DCK: variants seen among roughly 807,000 people sequenced by gnomAD.
DCK encodes the protein deoxyadenosine kinase.
Under a neutral mutation model 38.3 loss-of-function variants are expected in DCK, and 23 were observed. The observed-to-expected ratio is 0.60, with a 90% CI of 0.43 to 0.85. The LOEUF is 0.85. Ranked by LOEUF, DCK falls within the 40% of genes least tolerant of loss-of-function variation. The pLI, the probability that DCK is intolerant of heterozygous loss-of-function variation, is 0.00. For synonymous variants in DCK, 108 were observed against 100.6 expected, an observed-to-expected ratio of 1.07 and a Z score of -0.44; for missense variants, 259 against 304.4, an observed-to-expected ratio of 0.85 and a Z score of 1.11.
chr4:71,017,008 G>A (rs536741572), intron 2 of DCK, among the ~76,000 whole-genome samples: 66 of 152,256 alleles, frequency 4.3e-4, no homozygotes, highest in African/African-American at 1.5e-3. Context: ...CCTACAGAAT[G>A]GGAGAAAATT....
At chr4:71,019,050 G>C (rs1448934002) in intron 2 of DCK, among the ~76,000 whole-genome samples, 4 of 152,068 alleles carry the variant, frequency 2.6e-5, no homozygotes, top group Non-Finnish European at 4.4e-5. Context: ...TCATGCATAG[G>C]ATCAAAAGAA....
chr4:71,014,019 A>G (rs1242426581), intron 2 of DCK, among the ~76,000 whole-genome samples: 1 of 152,166 alleles, frequency 6.6e-6, no homozygotes, highest in African/African-American at 2.4e-5. Context: ...TATTCAGGAG[A>G]CCCATCTCAT....
At chr4:71,003,389 A>G (rs1739860074) in intron 2 of DCK, among the ~76,000 whole-genome samples, 1 of 151,874 alleles carries the variant, frequency 6.6e-6, no homozygotes. Flanking sequence ...TGCGCTTAAC[A>G]TTTTTTCCCT....
intron 1 of DCK, among the ~76,000 whole-genome samples, chr4:70,995,167 T>C (rs1739633502): frequency 6.6e-6 from 1 of 152,212 alleles, no homozygotes; most frequent in Non-Finnish European, 1.5e-5. Flanking sequence ...GACCATATGA[T>C]ATAATTAGCA....
At chr4:71,010,687 T>A (rs1740068549) in intron 2 of DCK, among the ~76,000 whole-genome samples, 1 of 147,718 alleles carries the variant, frequency 6.8e-6, no homozygotes, top group African/African-American at 2.4e-5. Context: ...ATAAAAATTA[T>A]ATACATAATA....
At chr4:71,015,944 A>G (rs567873080) in intron 2 of DCK, among the ~76,000 whole-genome samples, 2 of 152,232 alleles carry the variant, frequency 1.3e-5, no homozygotes, top group African/African-American at 4.8e-5. Flanking sequence ...GTAATCAGGT[A>G]GTAGAAGGAA....
chr4:71,024,308 T>C (rs1228190000), intron 4 of DCK, among the ~76,000 whole-genome samples: 4 of 152,108 alleles, frequency 2.6e-5, no homozygotes, highest in Admixed American at 2.6e-4. Context: ...AAGGTGCTTT[T>C]TGTGATAGGT....
intron 2 of DCK, among the ~76,000 whole-genome samples, chr4:70,998,939 G>A (rs1242396155): frequency 2.0e-5 from 3 of 150,534 alleles, no homozygotes; most frequent in Non-Finnish European, 3.0e-5. Context: ...AAAAAAAAAA[G>A]GAAAGTAAAA....
intron 5 of DCK, 53 bp from the exon 6 acceptor site, chr4:71,026,612 C>G: frequency 1.1e-6 from 1 of 879,282 alleles, no homozygotes; most frequent in East Asian, 2.5e-5. Flanking sequence ...TAATGTTTCT[C>G]TCTTTTTTTT....
intron 4 of DCK, among the ~76,000 whole-genome samples, chr4:71,025,417 G>A (rs995634129): frequency 2.0e-5 from 3 of 151,974 alleles, no homozygotes; most frequent in Non-Finnish European, 4.4e-5. Context: ...TGTCTTTAGT[G>A]GTTTTATGTG....
At chr4:71,029,319 A>G in intron 6 of DCK, 33 bp from the exon 7 acceptor site, 1 of 1,499,760 alleles carries the variant, frequency 6.7e-7, no homozygotes, top group Non-Finnish European at 9.2e-7. Flanking sequence ...TAGTCAAGGA[A>G]TTATACTGAT....
intron 2 of DCK, among the ~76,000 whole-genome samples, chr4:71,021,764 AG>A (rs1279932718): frequency 6.6e-6 from 1 of 152,092 alleles, no homozygotes; most frequent in Non-Finnish European, 1.5e-5. Flanking sequence ...GCACTTTGGG[AG>A]GCCAAGGCAG....
chr4:70,998,969 A>G (rs1187452648), intron 2 of DCK, among the ~76,000 whole-genome samples: 2 of 151,966 alleles, frequency 1.3e-5, no homozygotes, highest in African/African-American at 4.8e-5. Flanking sequence ...CTATGCATTC[A>G]AGATTTATGC....
chr4:71,011,807 T>C (rs765522561), intron 2 of DCK, among the ~76,000 whole-genome samples: 4 of 152,234 alleles, frequency 2.6e-5, no homozygotes, highest in Non-Finnish European at 5.9e-5. Flanking sequence ...TATTTTTCAC[T>C]TACCTTGACA....
At chr4:71,025,690 A>G in intron 4 of DCK, 126 bp from the exon 5 acceptor site, 1 of 1,241,554 alleles carries the variant, frequency 8.1e-7, no homozygotes, top group Non-Finnish European at 1.1e-6. Context: ...TTCAGCTTTT[A>G]AGAAGTAATA....
At chr4:71,000,233 T>C (rs1415724088) in intron 2 of DCK, among the ~76,000 whole-genome samples, 1 of 152,250 alleles carries the variant, frequency 6.6e-6, no homozygotes, top group Non-Finnish European at 1.5e-5. Context: ...TTCCGTTTTC[T>C]GCATATGGCT....
chr4:71,010,755 A>G (rs577720596), intron 2 of DCK, among the ~76,000 whole-genome samples: 10 of 149,392 alleles, frequency 6.7e-5, no homozygotes, highest in South Asian at 6.3e-4. Context: ...GTTTTAAAAT[A>G]TGTCTACATT....
chr4:71,005,205 T>C (rs1739909669), intron 2 of DCK, among the ~76,000 whole-genome samples: 1 of 151,974 alleles, frequency 6.6e-6, no homozygotes, highest in Non-Finnish European at 1.5e-5. Flanking sequence ...AAGGCTTCCC[T>C]TGGCTAGGGG....
At chr4:71,005,656 G>C (rs950172426) in intron 2 of DCK, among the ~76,000 whole-genome samples, 1 of 151,378 alleles carries the variant, frequency 6.6e-6, no homozygotes, top group African/African-American at 2.4e-5. Context: ...ACAAGCATGG[G>C]CCACCATGCC....
Sources: gnomAD v4.1 joint callset for allele counts (sites outside exome capture counted in the v4.1 genomes callset) on GRCh38, gnomAD v4.1.1 for gene constraint, MANE v1.5 for transcripts, NCBI Gene and HGNC (gene_info 2026-07-23, HGNC 2026-07-21) for gene names.